The following SRGAP2B variants were observed in gnomAD, a reference collection of about 807,000 sequenced individuals.
SRGAP2B encodes the protein SLIT-ROBO Rho GTPase activating protein 2B, also known as SLIT-ROBO Rho GTPase-activating protein 2B.
A neutral mutation model predicts 22.2 loss-of-function variants in SRGAP2B; 9 were observed. The observed-to-expected ratio is 0.41, with a 90% CI of 0.24 to 0.71. The LOEUF (loss-of-function observed/expected upper bound fraction) is 0.71. Ranked by LOEUF, SRGAP2B falls within the 30% of genes least tolerant of loss-of-function variation. The pLI is 0.35. For synonymous variants in SRGAP2B, 36 were observed against 87.4 expected (o/e 0.41, Z 3.28); for missense variants, 114 against 235.8 (o/e 0.48, Z 3.38).
At position 144,958,370 on chromosome 1, in the gene SRGAP2B, T is replaced by C. The variant is rs587776240; in HGVS notation, c.261-2769A>G. 1.5e-3 allele frequency among the ~76,000 whole-genome samples: 230 copies of C among 150,854 alleles called. 5 individuals are homozygous for C. The highest frequency in any genetic ancestry group is 8.7e-3 in the South Asian group (42 of 4,810). ...TACCACTTAATGCTAATAAGTTTTA[T>C]TGAGAACTTGTAAGGTGTGGCTCAC... On this transcript the variant is annotated intron_variant, in intron 3 of 9. Transcript: ENST00000612199.
chr1:144,997,135 G>A (rs1670742758), intron 2 of SRGAP2B, among the ~76,000 whole-genome samples: 1 of 150,462 alleles, frequency 6.6e-6, no homozygotes, highest in Non-Finnish European at 1.5e-5. Context: ...CATCCGTTCA[G>A]TAAGAACCAA....
At chr1:144,922,850 T>A (rs1426760279) in intron 4 of SRGAP2B, among the ~76,000 whole-genome samples, 1 of 150,880 alleles carries the variant, frequency 6.6e-6, no homozygotes, top group Non-Finnish European at 1.5e-5. Flanking sequence ...CTGAAAGCCA[T>A]TTCCTTACGG....
At chr1:144,985,974 A>G (rs1312113280) in intron 3 of SRGAP2B, among the ~76,000 whole-genome samples, 1 of 149,294 alleles carries the variant, frequency 6.7e-6, no homozygotes, top group Non-Finnish European at 1.5e-5. Flanking sequence ...GGAGAGGACA[A>G]AAGGTGAGCA....
chr1:145,015,732 G>A (rs1436957231), intron 2 of SRGAP2B, among the ~76,000 whole-genome samples: 5 of 118,870 alleles, frequency 4.2e-5, no homozygotes, highest in Middle Eastern at 4.5e-3. Context: ...GCAAGGAACC[G>A]AAATAATCGA....
intron 4 of SRGAP2B, among the ~76,000 whole-genome samples, chr1:144,951,152 GTTTTGTT>G (rs1172190322): frequency 0.01 from 1,579 of 150,544 alleles, 20 homozygotes; most frequent in Middle Eastern, 0.014. Flanking sequence ...CCAGCCCTCT[GTTTTGTT>G]TTTTGTTTTT....
At chr1:145,022,949 G>A (rs1647310107) in intron 2 of SRGAP2B, among the ~76,000 whole-genome samples, 1 of 149,592 alleles carries the variant, frequency 6.7e-6, no homozygotes, top group Non-Finnish European at 1.5e-5. Context: ...GGTGGATCAC[G>A]AGGTCAAGAG....
At chr1:144,971,673 T>C (rs1483638577) in intron 3 of SRGAP2B, among the ~76,000 whole-genome samples, 2 of 150,868 alleles carry the variant, frequency 1.3e-5, no homozygotes, top group Non-Finnish European at 2.9e-5. Flanking sequence ...CTGTGCCTAA[T>C]GTAGCTGAGA....
chr1:144,996,224 G>A (rs1176945947), intron 2 of SRGAP2B, among the ~76,000 whole-genome samples: 1 of 150,560 alleles, frequency 6.6e-6, no homozygotes, highest in Non-Finnish European at 1.5e-5. Context: ...GCTCAGAGAA[G>A]GCTTGCAGTG....
chr1:144,973,928 CTACTT>C (rs1375364003), intron 3 of SRGAP2B, among the ~76,000 whole-genome samples: 2 of 146,636 alleles, frequency 1.4e-5, no homozygotes, highest in East Asian at 4.1e-4. Flanking sequence ...AGAAGAATAT[CTACTT>C]TATTTGCAAG....
intron 4 of SRGAP2B, among the ~76,000 whole-genome samples, chr1:144,943,192 CAACA>C (rs1486111984): frequency 7.3e-6 from 1 of 136,058 alleles, no homozygotes; most frequent in Non-Finnish European, 1.5e-5. Context: ...TTGGTCTCTT[CAACA>C]AATCAGTTTC....
chr1:144,915,614 T>C (rs1366307393), intron 4 of SRGAP2B, among the ~76,000 whole-genome samples: 4 of 150,958 alleles, frequency 2.6e-5, no homozygotes, highest in African/African-American at 9.9e-5. Context: ...TAGTCCCAGC[T>C]ACTCAGGAGG....
At position 144,969,737 on chromosome 1, in the gene SRGAP2B, C is replaced by T. The variant is rs200201108; in HGVS notation, c.261-14136G>A. 1.2e-4 allele frequency among the ~76,000 whole-genome samples: 18 copies of T among 150,598 alleles called. 1 individual carries two copies. The highest frequency in any genetic ancestry group is 8.6e-4 in the Admixed American group (13 of 15,162). On this transcript the variant is annotated intron_variant, in intron 3 of 9. Transcript: ENST00000612199. Reference sequence around the variant, plus strand: ...ACAACATGGGAGAAAATTTTTGCAACCTACTCATCTGACAAAGGGCTAATA... The same window carrying T: ...ACAACATGGGAGAAAATTTTTGCAATCTACTCATCTGACAAAGGGCTAATA...
intron 4 of SRGAP2B, among the ~76,000 whole-genome samples, chr1:144,920,520 G>T (rs1374171644): frequency 6.7e-6 from 1 of 149,820 alleles, no homozygotes; most frequent in Non-Finnish European, 1.5e-5. Flanking sequence ...CAATCCTCCT[G>T]CCTCAGCTTC....
Position 144,988,788 on chromosome 1 carries a change from T to C in SRGAP2B, c.260+6220A>G, listed in dbSNP as rs2064517. Reference sequence around the variant, plus strand: ...GCCTCGTACTGCTCTACACCCAAAATGTTCAAAGTAGGATCACCATTCAAA... The same window carrying C: ...GCCTCGTACTGCTCTACACCCAAAACGTTCAAAGTAGGATCACCATTCAAA... On this transcript the variant is annotated intron_variant, in intron 3 of 9. Coordinates refer to ENST00000612199, the Ensembl canonical transcript of SRGAP2B. Among the ~76,000 whole-genome samples, 3 of 148,944 alleles carry C rather than the reference T, an allele frequency of 2.0e-5. No individual in the cohort carries two copies. The East Asian group carries it at 5.9e-4, about 29-fold the overall frequency.
intron 2 of SRGAP2B, among the ~76,000 whole-genome samples, chr1:145,076,642 G>C (rs1346419220): frequency 2.8e-5 from 4 of 144,266 alleles, no homozygotes; most frequent in Admixed American, 6.8e-5. Context: ...GTGGTTGCCA[G>C]CAGTTAAGGA....
intron 2 of SRGAP2B, among the ~76,000 whole-genome samples, chr1:145,031,252 TA>T (rs1170950701): frequency 7.3e-6 from 1 of 137,266 alleles, no homozygotes; most frequent in Non-Finnish European, 1.5e-5. Flanking sequence ...TTTAACTGCA[TA>T]CTGGACATTT....
At chr1:145,009,176 CA>C (rs375032281) in intron 2 of SRGAP2B, among the ~76,000 whole-genome samples, 7,542 of 59,344 alleles carry the variant, frequency 0.13, 439 homozygotes, top group African/African-American at 0.3. Flanking sequence ...GACTCCGTCT[CA>C]AAAAAAAAAA....
At chr1:144,921,322 T>G (rs1664238361) in intron 4 of SRGAP2B, among the ~76,000 whole-genome samples, 1 of 145,204 alleles carries the variant, frequency 6.9e-6, no homozygotes, top group Non-Finnish European at 1.5e-5. Context: ...ATCCAGCTAT[T>G]ACATAGTAAA....
At chr1:144,969,295 G>A (rs1570886298) in intron 3 of SRGAP2B, among the ~76,000 whole-genome samples, 11 of 119,208 alleles carry the variant, frequency 9.2e-5, no homozygotes, top group African/African-American at 4.4e-4. Flanking sequence ...CCAAAACAGA[G>A]ATATAGATCA....
Sources: gnomAD v4.1 joint callset for allele counts (sites outside exome capture counted in the v4.1 genomes callset) on GRCh38, gnomAD v4.1.1 for gene constraint, MANE v1.5 for transcripts, NCBI Gene and HGNC (gene_info 2026-07-23, HGNC 2026-07-21) for gene names.